C10orf90: variants seen among roughly 807,000 people sequenced by gnomAD.
C10orf90 encodes chromosome 10 open reading frame 90.
C10orf90 carries 56 observed loss-of-function variants against 62.5 expected under a neutral mutation model. The observed-to-expected ratio is 0.90, with a 90% confidence interval of 0.72 to 1.12. The LOEUF is 1.12. C10orf90 is among the 50% of genes most tolerant of loss of function. The probability of loss-of-function intolerance (pLI) is 0.00; values close to 1 mark genes in which losing one functional copy is unlikely to be tolerated. For missense variants in C10orf90, 970 were observed against 880.4 expected (o/e 1.10, Z -1.29); for synonymous variants, 386 against 340.4 (o/e 1.13, Z -1.47).
intron 2 of C10orf90, among the ~76,000 whole-genome samples, chr10:126,619,116 C>T (rs12774807): frequency 0.06 from 9,179 of 152,228 alleles, 301 homozygotes; most frequent in Middle Eastern, 0.12. Context: ...GTTTTCTTTA[C>T]GTAACACCGT....
chr10:126,466,463 C>T (rs866895493), intron 4 of C10orf90, among the ~76,000 whole-genome samples: 1 of 152,038 alleles, frequency 6.6e-6, no homozygotes. Context: ...GACTACCAAC[C>T]CCTCTCATCA....
At chr10:126,578,893 C>G (rs7907391) in intron 2 of C10orf90, among the ~76,000 whole-genome samples, 94,363 of 151,980 alleles carry the variant, frequency 0.62, 30,129 homozygotes, top group African/African-American at 0.77. Flanking sequence ...GATCTGGCCA[C>G]TATGCCAATC....
intron 4 of C10orf90, among the ~76,000 whole-genome samples, chr10:126,471,752 A>AC (rs1347670189): frequency 6.6e-6 from 1 of 152,200 alleles, no homozygotes. Flanking sequence ...ATATATATCT[A>AC]CCCACACAAA....
intron 5 of C10orf90, among the ~76,000 whole-genome samples, chr10:126,463,905 C>T (rs991205464): frequency 4.6e-5 from 7 of 152,072 alleles, no homozygotes; most frequent in South Asian, 4.2e-4. Context: ...CTTCTCTAAA[C>T]GATTAATGAA....
chr10:126,442,535 T>C (rs1355300075), intron 7 of C10orf90, among the ~76,000 whole-genome samples: 1 of 104,452 alleles, frequency 9.6e-6, no homozygotes, highest in Non-Finnish European at 1.9e-5. Context: ...TTCCAAGGTA[T>C]AGTTTAAATC....
chr10:126,463,135 A>T (rs1750456796), intron 5 of C10orf90: 1 of 147,954 alleles, frequency 6.8e-6, no homozygotes, highest in Admixed American at 7.0e-5. Flanking sequence ...CATGTTTTCT[A>T]GTTCACCCTG....
intron 2 of C10orf90, among the ~76,000 whole-genome samples, chr10:126,516,628 C>T (rs1187138688): frequency 1.3e-5 from 2 of 152,206 alleles, no homozygotes; most frequent in African/African-American, 4.8e-5. Flanking sequence ...GCCTCGTCTC[C>T]AGCAGGGAGG....
At chr10:126,489,431 G>T (rs1461461376) in intron 4 of C10orf90, among the ~76,000 whole-genome samples, 1 of 152,036 alleles carries the variant, frequency 6.6e-6, no homozygotes, top group Non-Finnish European at 1.5e-5. Context: ...TTGCTTCAAA[G>T]AAAATATACA....
At chr10:126,614,164 CAGGG>C (rs1845494333) in intron 2 of C10orf90, among the ~76,000 whole-genome samples, 1 of 152,138 alleles carries the variant, frequency 6.6e-6, no homozygotes, top group African/African-American at 2.4e-5. Flanking sequence ...TGAGGTCTTT[CAGGG>C]ACAGAGTGAA....
In C10orf90 at chr10:126,586,122, T is replaced by C. The variant is rs375124990; in HGVS notation, c.313+60443A>G. 9.2e-5 allele frequency among the ~76,000 whole-genome samples: 14 copies of C among 152,340 alleles called. No individual in the cohort carries two copies. The East Asian group carries it at 2.1e-3, about 23-fold the overall frequency. Reference sequence around the variant, plus strand: ...CATGTCCTAATTCCATGCTTTTGGCTTTAGTGTATTTCCTAATAGCCAGCC... The same window carrying C: ...CATGTCCTAATTCCATGCTTTTGGCCTTAGTGTATTTCCTAATAGCCAGCC... On this transcript the variant is annotated intron_variant, in intron 2 of 9. Transcript: ENST00000488181.
intron 1 of C10orf90, among the ~76,000 whole-genome samples, chr10:126,657,607 T>C (rs1405620422): frequency 1.4e-5 from 2 of 143,610 alleles, no homozygotes; most frequent in Admixed American, 7.1e-5. Context: ...TAATACTTTG[T>C]CTTTTTTTTT....
intron 2 of C10orf90, among the ~76,000 whole-genome samples, chr10:126,554,876 A>C (rs901114970): frequency 1.3e-5 from 2 of 152,264 alleles, no homozygotes; most frequent in African/African-American, 4.8e-5. Context: ...AGAAGGAAAG[A>C]AATGCAGACA....
intron 6 of C10orf90, among the ~76,000 whole-genome samples, chr10:126,460,221 G>T (rs1032846310): frequency 6.6e-6 from 1 of 152,172 alleles, no homozygotes; most frequent in Admixed American, 6.5e-5. Flanking sequence ...GTGCTTCACC[G>T]ATGGGCTTGA....
At position 126,569,140 on chromosome 10, in the gene C10orf90, G is replaced by C. The variant is rs372360953; in HGVS notation, c.314-55201C>G. 9.9e-5 allele frequency among the ~76,000 whole-genome samples: 15 copies of C among 152,220 alleles called. No homozygotes were observed. The East Asian group carries it at 1.6e-3, about 16-fold the overall frequency. Reference sequence around the variant, plus strand: ...GGGAGCAGTAGTGGGGGGTTTCAGGGAACCAAGGACACCGCCTCTAATTCC... The same window carrying C: ...GGGAGCAGTAGTGGGGGGTTTCAGGCAACCAAGGACACCGCCTCTAATTCC... On this transcript the variant is annotated intron_variant, in intron 2 of 9. Transcript: ENST00000488181.
chr10:126,458,148 TC>T (rs1042695661), intron 7 of C10orf90, among the ~76,000 whole-genome samples: 2 of 151,996 alleles, frequency 1.3e-5, no homozygotes, highest in African/African-American at 4.8e-5. Context: ...TTTTCCTCAG[TC>T]CCCCAGGCAC....
At chr10:126,632,936 T>TG (rs1845878564) in intron 2 of C10orf90, among the ~76,000 whole-genome samples, 1 of 152,168 alleles carries the variant, frequency 6.6e-6, no homozygotes, top group South Asian at 2.1e-4. Context: ...CCTGCAGCCC[T>TG]GAGAGCTAAA....
At chr10:126,543,475 G>A (rs190802455) in intron 2 of C10orf90, among the ~76,000 whole-genome samples, 23 of 152,296 alleles carry the variant, frequency 1.5e-4, no homozygotes, top group African/African-American at 5.5e-4. Context: ...GCAGATGTAG[G>A]TAATTCAGGA....
chr10:126,631,571 T>A lies in C10orf90; in HGVS notation c.313+14994A>T, dbSNP rs191841988. Among the ~76,000 whole-genome samples, 23 of 152,038 alleles carry A rather than the reference T, an allele frequency of 1.5e-4. No individual in the cohort carries two copies. The East Asian group carries it at 3.9e-3, about 26-fold the overall frequency. On this transcript the variant is annotated intron_variant, in intron 2 of 9. Transcript: ENST00000488181. ...AGAACATAGATTTCAGGAGAGCAAG[T>A]TCCCTTGATCTCTTGCTCAGCATTG...
chr10:126,555,221 G>C (rs1305688171), intron 2 of C10orf90, among the ~76,000 whole-genome samples: 1 of 152,148 alleles, frequency 6.6e-6, no homozygotes, highest in African/African-American at 2.4e-5. Context: ...GGTTAACCTT[G>C]AATGTTTATG....
Sources: allele counts gnomAD v4.1 joint callset (sites outside exome capture counted in the v4.1 genomes callset), GRCh38; gene constraint gnomAD v4.1.1; transcripts MANE v1.5; gene names NCBI Gene and HGNC (gene_info 2026-07-23, HGNC 2026-07-21).